Variants in COL13A1 observed in about 807,000 individuals in gnomAD.
COL13A1 encodes the protein collagen alpha-1(XIII) chain.
A neutral mutation model predicts 130.9 loss-of-function variants in COL13A1; 89 were observed. That is an observed-to-expected ratio of 0.68 (90% CI 0.57 to 0.81). The LOEUF is 0.81. Ranked by LOEUF, COL13A1 falls within the 30% of genes least tolerant of loss-of-function variation. The pLI, the probability that COL13A1 is intolerant of heterozygous loss-of-function variation, is 0.00. For synonymous variants in COL13A1, 402 were observed against 341.6 expected (o/e 1.18, Z -1.95); for missense variants, 879 against 934.6 (o/e 0.94, Z 0.78).
chr10:69,890,622 C>T (rs1367128798), intron 10 of COL13A1, among the ~76,000 whole-genome samples: 1 of 152,258 alleles, frequency 6.6e-6, no homozygotes, highest in African/African-American at 2.4e-5. Flanking sequence ...GGCAGGTAAT[C>T]ATGTGGGTGG....
intron 35 of COL13A1, among the ~76,000 whole-genome samples, chr10:69,942,993 A>G (rs1343795438): frequency 1.3e-5 from 2 of 152,106 alleles, no homozygotes; most frequent in Admixed American, 6.5e-5. Context: ...GATTACAGGC[A>G]CCCACCACCA....
chr10:69,910,911 A>C (rs2063305165), intron 17 of COL13A1, among the ~76,000 whole-genome samples: 1 of 152,196 alleles, frequency 6.6e-6, no homozygotes, highest in South Asian at 2.1e-4. Context: ...CTGGATGTTA[A>C]GCCTCATGGT....
intron 2 of COL13A1, among the ~76,000 whole-genome samples, chr10:69,865,246 T>C (rs571111443): frequency 6.6e-6 from 1 of 152,318 alleles, no homozygotes; most frequent in East Asian, 1.9e-4. Flanking sequence ...CTCCATCCTT[T>C]GGTGCCTGGC....
intron 30 of COL13A1, chr10:69,931,340 G>A (rs918525239): frequency 1.7e-5 from 7 of 400,520 alleles, no homozygotes; most frequent in African/African-American, 6.1e-5. Context: ...CCTAGTGGGT[G>A]CCTGACACTG....
At chr10:69,811,555 C>A (rs954695165) in intron 1 of COL13A1, among the ~76,000 whole-genome samples, 1 of 152,178 alleles carries the variant, frequency 6.6e-6, no homozygotes, top group Non-Finnish European at 1.5e-5. Context: ...TTGGGGGAAG[C>A]TCTGTGACAT....
chr10:69,878,726 C>T (rs568886175), intron 6 of COL13A1, among the ~76,000 whole-genome samples: 12 of 152,344 alleles, frequency 7.9e-5, no homozygotes, highest in Non-Finnish European at 1.6e-4. Flanking sequence ...AGGTGATCCG[C>T]CCACTTGTCC....
At chr10:69,902,614 C>G in intron 14 of COL13A1, 134 bp from the exon 15 acceptor site, 1 of 636,320 alleles carries the variant, frequency 1.6e-6, no homozygotes. Flanking sequence ...ATCATGCCAC[C>G]GCTTCCTCCC....
chr10:69,820,111 A>T (rs1371936558), intron 1 of COL13A1, among the ~76,000 whole-genome samples: 1 of 152,212 alleles, frequency 6.6e-6, no homozygotes, highest in Non-Finnish European at 1.5e-5. Flanking sequence ...CTGGTATAAA[A>T]AAACCACCTT....
At chr10:69,811,108 A>C (rs1293860547) in intron 1 of COL13A1, among the ~76,000 whole-genome samples, 1 of 150,890 alleles carries the variant, frequency 6.6e-6, no homozygotes, top group Non-Finnish European at 1.5e-5. Flanking sequence ...TCCCATCCTC[A>C]CTCCCACCCC....
At chr10:69,860,496 G>T (rs1195421656) in intron 2 of COL13A1, among the ~76,000 whole-genome samples, 1 of 152,206 alleles carries the variant, frequency 6.6e-6, no homozygotes, top group Non-Finnish European at 1.5e-5. Flanking sequence ...GCCACTTCCT[G>T]CTCAACCCTT....
At chr10:69,895,810 C>G (rs1000800662) in intron 13 of COL13A1, among the ~76,000 whole-genome samples, 6 of 152,152 alleles carry the variant, frequency 3.9e-5, no homozygotes, top group Admixed American at 1.3e-4. Context: ...GCTCATCACC[C>G]GTGCGTGTCT....
intron 23 of COL13A1, among the ~76,000 whole-genome samples, chr10:69,923,438 G>A (rs1383990108): frequency 6.6e-6 from 1 of 152,232 alleles, no homozygotes; most frequent in African/African-American, 2.4e-5. Context: ...TAGCTCAGAA[G>A]GAAAGCATGA....
At chr10:69,840,540 G>A (rs1851325632) in intron 2 of COL13A1, among the ~76,000 whole-genome samples, 2 of 152,186 alleles carry the variant, frequency 1.3e-5, no homozygotes, top group South Asian at 2.1e-4. Flanking sequence ...GCTTCACAGT[G>A]CATTTCCTTG....
chr10:69,872,942 C>G (rs752344421), intron 4 of COL13A1, among the ~76,000 whole-genome samples: 5 of 152,234 alleles, frequency 3.3e-5, no homozygotes, highest in Non-Finnish European at 7.3e-5. Flanking sequence ...GTGGTCTGTG[C>G]TCCACCTTCA....
chr10:69,868,571 G>A (rs1324407406), intron 3 of COL13A1, among the ~76,000 whole-genome samples: 1 of 152,202 alleles, frequency 6.6e-6, no homozygotes, highest in Non-Finnish European at 1.5e-5. Flanking sequence ...GCTGGAGATA[G>A]GAATTGAAAG....
chr10:69,846,912 G>T (rs553057783), intron 2 of COL13A1, among the ~76,000 whole-genome samples: 124 of 152,348 alleles, frequency 8.1e-4, no homozygotes, highest in African/African-American at 2.8e-3. Flanking sequence ...AGAACCCGCT[G>T]ATTCAAGTGG....
chr10:69,883,788 T>C (rs543750248), intron 7 of COL13A1, among the ~76,000 whole-genome samples: 4 of 152,284 alleles, frequency 2.6e-5, no homozygotes, highest in South Asian at 2.1e-4. Flanking sequence ...TAGGCTGACG[T>C]GGGACATGAC....
intron 31 of COL13A1, among the ~76,000 whole-genome samples, chr10:69,932,924 G>T (rs113620577): frequency 0.02 from 2,978 of 151,952 alleles, 88 homozygotes; most frequent in African/African-American, 0.069. Flanking sequence ...ATCACCTGAG[G>T]TCGGGAGTTT....
intron 38 of COL13A1, among the ~76,000 whole-genome samples, chr10:69,950,360 A>T (rs1207706375): frequency 6.6e-6 from 1 of 152,136 alleles, no homozygotes; most frequent in Non-Finnish European, 1.5e-5. Flanking sequence ...GCCTCAAAGG[A>T]CACCGGATTT....
Sources: gnomAD v4.1 joint callset for allele counts (sites outside exome capture counted in the v4.1 genomes callset) on GRCh38, gnomAD v4.1.1 for gene constraint, MANE v1.5 for transcripts, NCBI Gene and HGNC (gene_info 2026-07-23, HGNC 2026-07-21) for gene names.